MYOM2: variants seen among roughly 807,000 people sequenced by gnomAD.
The protein encoded by MYOM2 is myomesin 2.
MYOM2 carries 254 observed loss-of-function variants against 187.6 expected under a neutral mutation model. That is an observed-to-expected ratio of 1.35 (90% CI 1.22 to 1.50). MYOM2 has a LOEUF of 1.50. MYOM2 is among the 40% of genes most tolerant of loss of function. MYOM2 has a pLI of 0.00. For synonymous variants in MYOM2, 981 were observed against 753.8 expected (o/e 1.30, Z -4.94); for missense variants, 2,796 against 1,924.0 (o/e 1.45, Z -8.48).
chr8:2,093,824 T>C (rs1796388303), intron 16 of MYOM2, 146 bp from the exon 17 acceptor site: 2 of 963,060 alleles, frequency 2.1e-6, no homozygotes, highest in East Asian at 4.9e-5. Flanking sequence ...ACTCTACATG[T>C]TGAGCTAATT....
chr8:2,142,082 A>AAG (rs1798293327), intron 34 of MYOM2, among the ~76,000 whole-genome samples: 1 of 151,394 alleles, frequency 6.6e-6, no homozygotes, highest in African/African-American at 2.4e-5. Context: ...ATTTGTGAAA[A>AAG]AAAAAAAAAT....
intron 21 of MYOM2, among the ~76,000 whole-genome samples, chr8:2,105,443 A>G (rs1796858094): frequency 1.3e-5 from 2 of 152,158 alleles, no homozygotes; most frequent in African/African-American, 2.4e-5. Flanking sequence ...AAAAGTAGCA[A>G]ATAAACCACA....
intron 13 of MYOM2, among the ~76,000 whole-genome samples, 192 bp downstream of exon 13, chr8:2,079,805 G>A (rs571828408): frequency 2.0e-5 from 3 of 152,306 alleles, no homozygotes; most frequent in South Asian, 2.1e-4. Flanking sequence ...GCAAGACAGA[G>A]TGAGAGGGTG....
chr8:2,080,137 C>T lies in MYOM2; in HGVS notation c.1516+524C>T, dbSNP rs531768256. On this transcript the variant is annotated intron_variant, in intron 13 of 36. Coordinates refer to ENST00000262113, the MANE Select transcript of MYOM2 (RefSeq NM_003970.4). ...TTTTAGAGACCTTTAGAAAGAATGA[C>T]GTGTTAAGGAGAATCCAACATTATT... Among the ~76,000 whole-genome samples, 50 of 152,242 alleles carry T rather than the reference C, an allele frequency of 3.3e-4. 1 individual carries two copies. The South Asian group carries it at 8.3e-3, about 25-fold the overall frequency.
intron 13 of MYOM2, among the ~76,000 whole-genome samples, chr8:2,083,952 G>T (rs1232470087): frequency 6.6e-6 from 1 of 152,238 alleles, no homozygotes; most frequent in Non-Finnish European, 1.5e-5. Flanking sequence ...AGTTCCGAAA[G>T]TGTGAACGAG....
rs186565288 is a variant in MYOM2 at position 2,133,514 on chromosome 8, G to T, written c.3800+4282G>T. Among the ~76,000 whole-genome samples, 7 of 152,290 alleles carry T rather than the reference G, an allele frequency of 4.6e-5. No homozygotes were observed. The East Asian group carries it at 1.4e-3, about 29-fold the overall frequency. ...GTTGCTCTGTCACCCAGGCTGGAGT[G>T]CAGTGGCATGATCTTTGCTCACTGC... On this transcript the variant is annotated intron_variant, in intron 32 of 36. Coordinates refer to ENST00000262113, the MANE Select transcript of MYOM2 (RefSeq NM_003970.4).
chr8:2,133,359 G>A (rs3824170), intron 32 of MYOM2, among the ~76,000 whole-genome samples: 19,139 of 152,140 alleles, frequency 0.13, 2,113 homozygotes, highest in African/African-American at 0.28. Context: ...TTGAATTTTG[G>A]ACCACACTGA....
At chr8:2,139,871 TA>T (rs1798215491) in intron 32 of MYOM2, among the ~76,000 whole-genome samples, 1 of 152,216 alleles carries the variant, frequency 6.6e-6, no homozygotes, top group Admixed American at 6.5e-5. Context: ...GGCGGGAATG[TA>T]TGAGCACCTT....
intron 1 of MYOM2, among the ~76,000 whole-genome samples, chr8:2,047,505 C>A (rs914801901): frequency 1.3e-5 from 2 of 152,312 alleles, no homozygotes; most frequent in African/African-American, 4.8e-5. Context: ...TGCTACTCTC[C>A]CGAGCCAGGA....
chr8:2,052,239 G>C lies in MYOM2; in HGVS notation c.189G>C (p.Leu63=), dbSNP rs1288941801. The change falls in exon 3 of 37, where the codon CTG becomes CTC. Residue 63 remains leucine, a synonymous_variant. Coordinates refer to ENST00000262113, the MANE Select transcript of MYOM2 (RefSeq NM_003970.4). ...SSQRASSQTS[L]GGTICRVCAK... is the part of the protein sequence containing the mutation. The stretch of plus-strand genomic sequence containing the variant: ...AGAGAGCCTCCAGCCAGACGTCCCT[G>C]GGAGGAACCATCTGCAGGGTCTGTG... 1.2e-6 allele frequency: 2 copies of C among 1,613,364 alleles called. No homozygotes were observed. Among genetic ancestry groups the C allele is most frequent in the Non-Finnish European group, 1.7e-6 (2 of 1,179,826 alleles).
rs1304147659 is a variant in MYOM2 at position 2,144,937 on chromosome 8, A to T, written c.4354A>T (p.Lys1452Ter). The T allele has an allele frequency of 6.2e-7, 1 of 1,614,192 alleles. No homozygotes were observed. The highest frequency in any genetic ancestry group is 2.2e-5 in the East Asian group (1 of 44,870). ...GGACATGGCCCCGCCCCAGCAAGCCAAGCCCAAGCTCATCCCCGCGTCTGC... is the reference window on the plus strand; with the variant it reads ...GGACATGGCCCCGCCCCAGCAAGCCTAGCCCAAGCTCATCCCCGCGTCTGC... ...IPDMAPPQQA[K>*]PKLIPASASA... Residue 1452 changes from lysine (K) to a stop codon, truncating the protein, a stop_gained, in exon 37 of 37, where the codon AAG (lysine) becomes TAG (stop). Transcript: ENST00000262113. LOFTEE classifies it low-confidence loss of function (END_TRUNC).
chr8:2,086,358 C>CCCCCTACTGTCGTGAT lies in MYOM2; in HGVS notation c.1644+969_1644+970insCCCTACTGTCGTGATC. 5.4e-4 allele frequency among the ~76,000 whole-genome samples: 53 copies of CCCCCTACTGTCGTGAT among 97,414 alleles called. 3 individuals are homozygous for CCCCCTACTGTCGTGAT. The highest frequency in any genetic ancestry group is 7.2e-4 in the Non-Finnish European group (36 of 49,890). 63.9% of individuals were successfully genotyped at this position (97,414 alleles called of 152,430 possible). A position where few individuals can be genotyped will look rare whatever the true frequency, so the allele number is the denominator to read the frequency against. On this transcript the variant is annotated intron_variant, in intron 14 of 36. Transcript: ENST00000262113. ...CCCCACTGTTGTGATCTCTGCGTGGCCTCCCACTGTTGTGATCTCTGCGTG... is the reference window on the plus strand; with the variant it reads ...CCCCACTGTTGTGATCTCTGCGTGGCCCCCTACTGTCGTGATCTCCCACTGTTGTGATCTCTGCGTG...
At chr8:2,070,341 G>T (rs1396689156) in intron 8 of MYOM2, among the ~76,000 whole-genome samples, 1 of 152,262 alleles carries the variant, frequency 6.6e-6, no homozygotes, top group Non-Finnish European at 1.5e-5. Context: ...ACGATGGAGG[G>T]TGGAGCCTCC....
intron 6 of MYOM2, among the ~76,000 whole-genome samples, chr8:2,062,746 C>T (rs906483525): frequency 5.3e-5 from 8 of 152,148 alleles, no homozygotes; most frequent in Non-Finnish European, 7.3e-5. Flanking sequence ...CTGCTTTCTA[C>T]CCTGTGTGTG....
chr8:2,119,582 G>A (rs1314674020), intron 28 of MYOM2: 6 of 152,432 alleles, frequency 3.9e-5, no homozygotes, highest in South Asian at 2.1e-4. Context: ...GGTGGGCTGA[G>A]GAGATGGGAC....
chr8:2,133,477 C>G (rs546804906), intron 32 of MYOM2, among the ~76,000 whole-genome samples: 1 of 152,172 alleles, frequency 6.6e-6, no homozygotes, highest in Non-Finnish European at 1.5e-5. Context: ...CTGCCTCCGA[C>G]AGAGTCGGAG....
At position 2,057,732 on chromosome 8, in the gene MYOM2, T is replaced by G. The variant is rs775880163; in HGVS notation, c.512T>G (p.Val171Gly). Residue 171 changes from valine (V) to glycine (G), a missense_variant, in exon 5 of 37, where the codon GTG (valine) becomes GGG (glycine). By Grantham distance (109) the Val-to-Gly change is moderately radical. Transcript: ENST00000262113. ...CACACCGTCTGGGAGAGGATGTCTGTGAAACTCTGCTTCACCGTGCAAGGA... is the reference window on the plus strand; with the variant it reads ...CACACCGTCTGGGAGAGGATGTCTGGGAAACTCTGCTTCACCGTGCAAGGA... ...RSHTVWERMS[V>G]KLCFTVQGFP... 6.2e-7 allele frequency: 1 copy of G among 1,614,060 alleles called. No homozygotes were observed. The highest frequency in any genetic ancestry group is 1.1e-5 in the South Asian group (1 of 91,074).
intron 25 of MYOM2, among the ~76,000 whole-genome samples, chr8:2,111,357 A>C (rs1260735824): frequency 6.6e-6 from 1 of 152,234 alleles, no homozygotes; most frequent in African/African-American, 2.4e-5. Context: ...AAGAAGCCTA[A>C]TTATTTTGTA....
chr8:2,076,469 C>T, intron 11 of MYOM2, 187 bp downstream of exon 11: 1 of 712,788 alleles, frequency 1.4e-6, no homozygotes, highest in Non-Finnish European at 2.2e-6. Context: ...GTAGGCTGAG[C>T]CCAGCATAAC....
Sources: allele counts gnomAD v4.1 joint callset (sites outside exome capture counted in the v4.1 genomes callset), GRCh38; gene constraint gnomAD v4.1.1; transcripts MANE v1.5; gene names NCBI Gene and HGNC (gene_info 2026-07-23, HGNC 2026-07-21).